Variants in LRP1B observed in about 807,000 individuals in gnomAD.
LRP1B encodes low-density lipoprotein receptor-related protein 1B.
A neutral mutation model predicts 556.6 loss-of-function variants in LRP1B; 217 were observed. That is an observed-to-expected ratio of 0.39 (90% CI 0.35 to 0.44). LRP1B has a LOEUF of 0.44. Ranked by LOEUF, LRP1B falls within the 20% of genes least tolerant of loss-of-function variation. The probability of loss-of-function intolerance (pLI) is 1.00; values close to 1 mark genes in which losing one functional copy is unlikely to be tolerated. For missense variants in LRP1B, 5,053 were observed against 5,620.8 expected (o/e 0.90, Z 3.23); for synonymous variants, 2,047 against 1,865.8 (o/e 1.10, Z -2.50).
At chr2:142,107,794 A>ATTTTTTTTTTTTT (rs67962280) in intron 1 of LRP1B, among the ~76,000 whole-genome samples, 15 of 110,590 alleles carry the variant, frequency 1.4e-4, no homozygotes, top group Non-Finnish European at 1.8e-4. Context: ...CGCCTAGCTA[A>ATTTTTTTTTTTTT]TTTTTTTTTT....
intron 21 of LRP1B, among the ~76,000 whole-genome samples, chr2:140,921,612 A>AT (rs1467655558): frequency 1.3e-5 from 2 of 151,978 alleles, no homozygotes; most frequent in Non-Finnish European, 2.9e-5. Flanking sequence ...TTAAAATCAC[A>AT]TTTTTCTAAC....
intron 17 of LRP1B, among the ~76,000 whole-genome samples, chr2:140,986,225 TC>T (rs1251318077): frequency 3.9e-5 from 6 of 152,200 alleles, no homozygotes; most frequent in African/African-American, 1.4e-4. Context: ...AGCATTTCTT[TC>T]ATGAATAGAA....
At chr2:141,495,338 T>C (rs1029263609) in intron 2 of LRP1B, among the ~76,000 whole-genome samples, 1 of 152,150 alleles carries the variant, frequency 6.6e-6, no homozygotes. Flanking sequence ...CTGCCCTTTC[T>C]GACCACTCAT....
intron 7 of LRP1B, among the ~76,000 whole-genome samples, chr2:141,187,051 A>T (rs1681292970): frequency 6.6e-6 from 1 of 152,068 alleles, no homozygotes; most frequent in Non-Finnish European, 1.5e-5. Context: ...TCTCAACAGG[A>T]TGCCAAAAGA....
chr2:142,056,549 A>G (rs758838834), intron 1 of LRP1B, among the ~76,000 whole-genome samples: 1 of 152,136 alleles, frequency 6.6e-6, no homozygotes, highest in African/African-American at 2.4e-5. Flanking sequence ...ATACAAAGAC[A>G]TATAAGCTTT....
intron 3 of LRP1B, among the ~76,000 whole-genome samples, chr2:141,414,567 A>G (rs969784741): frequency 1.3e-5 from 2 of 152,224 alleles, no homozygotes; most frequent in African/African-American, 4.8e-5. Context: ...GCCCTTGCCC[A>G]TAGTGCAGGC....
At chr2:141,975,979 CTA>C (rs1341575084) in intron 1 of LRP1B, among the ~76,000 whole-genome samples, 2 of 151,960 alleles carry the variant, frequency 1.3e-5, no homozygotes. Context: ...GAAATGCTTT[CTA>C]TGTTAAATTT....
At chr2:141,980,571 A>C (rs1702015179) in intron 1 of LRP1B, among the ~76,000 whole-genome samples, 1 of 152,160 alleles carries the variant, frequency 6.6e-6, no homozygotes. Flanking sequence ...TTGTAAAAAT[A>C]ATTAGAAAGC....
chr2:140,314,202 G>A (rs1009077250), intron 83 of LRP1B, among the ~76,000 whole-genome samples: 4 of 151,940 alleles, frequency 2.6e-5, no homozygotes, highest in Non-Finnish European at 4.4e-5. Context: ...CTCATAGATT[G>A]CACTATAATA....
chr2:141,810,471 T>G, intron 1 of LRP1B, 70 bp from the exon 2 acceptor site: 6 of 1,517,358 alleles, frequency 4.0e-6, no homozygotes, highest in Non-Finnish European at 5.4e-6. Flanking sequence ...AGTACAAACA[T>G]GAAATGTGAA....
intron 3 of LRP1B, among the ~76,000 whole-genome samples, chr2:141,363,662 A>C (rs912257283): frequency 6.6e-6 from 1 of 152,164 alleles, no homozygotes; most frequent in African/African-American, 2.4e-5. Flanking sequence ...GAAGTCTTTT[A>C]GATACTTCTC....
At chr2:140,379,936 GT>G (rs1683400098) in intron 67 of LRP1B, among the ~76,000 whole-genome samples, 1 of 151,870 alleles carries the variant, frequency 6.6e-6, no homozygotes. Context: ...TTCCCTTTTT[GT>G]TTATATAAGG....
At position 141,771,804 on chromosome 2, in the gene LRP1B, GTTGT is replaced by G. The variant is rs1050127910; in HGVS notation, c.205+38471_205+38474del. ...AAGAAAGATGATCTCTTGCTTTTTT[GTTGT>G]TTGTTTGTTTTTGTTGTTGTTGTTT... is the stretch of plus-strand genomic sequence containing the variant. On this transcript the variant is annotated intron_variant, in intron 2 of 90. Transcript: ENST00000389484. 5.3e-5 allele frequency among the ~76,000 whole-genome samples: 8 copies of G among 152,060 alleles called. No homozygotes were observed. The East Asian group carries it at 5.8e-4, about 11-fold the overall frequency.
chr2:140,745,626 C>T (rs1376928422), intron 35 of LRP1B, among the ~76,000 whole-genome samples: 1 of 152,074 alleles, frequency 6.6e-6, no homozygotes, highest in Non-Finnish European at 1.5e-5. Context: ...TTCTTTCCCT[C>T]CTGTTTTTGT....
intron 43 of LRP1B, among the ~76,000 whole-genome samples, chr2:140,563,756 G>C (rs1681024074): frequency 6.6e-6 from 1 of 152,166 alleles, no homozygotes; most frequent in Admixed American, 6.6e-5. Context: ...ATTCAGAGGA[G>C]TTTTAAAGCT....
intron 41 of LRP1B, among the ~76,000 whole-genome samples, chr2:140,663,093 T>C (rs1369338386): frequency 6.6e-6 from 1 of 152,206 alleles, no homozygotes; most frequent in Non-Finnish European, 1.5e-5. Context: ...TTCAGCTCAA[T>C]GATATGTTAA....
Position 141,451,057 on chromosome 2 carries a change from C to G in LRP1B, c.343+29339G>C, listed in dbSNP as rs141553426. On this transcript the variant is annotated intron_variant, in intron 3 of 90. Transcript: ENST00000389484. ...CTAATGACTATAATTCCAAGACAAG[C>G]TCAGGAATGAGCATCTTCCAAGTCT... Among the ~76,000 whole-genome samples, 123 of 152,262 alleles carry G rather than the reference C, an allele frequency of 8.1e-4. 1 individual carries two copies. The highest frequency in any genetic ancestry group is 2.9e-3 in the African/African-American group (120 of 41,556).
At chr2:142,116,346 A>G (rs950304334) in intron 1 of LRP1B, among the ~76,000 whole-genome samples, 18 of 152,056 alleles carry the variant, frequency 1.2e-4, no homozygotes, top group African/African-American at 3.9e-4. Flanking sequence ...CATAATTTCC[A>G]TTTGATCATG....
intron 41 of LRP1B, among the ~76,000 whole-genome samples, chr2:140,698,707 G>A (rs190612927): frequency 2.5e-4 from 38 of 152,126 alleles, no homozygotes; most frequent in Admixed American, 5.2e-4. Flanking sequence ...ACACCAACAC[G>A]TGACAAGTGG....
Sources: gnomAD v4.1 joint callset for allele counts (sites outside exome capture counted in the v4.1 genomes callset) on GRCh38, gnomAD v4.1.1 for gene constraint, MANE v1.5 for transcripts, NCBI Gene and HGNC (gene_info 2026-07-23, HGNC 2026-07-21) for gene names.